The following MED13 variants were observed in gnomAD, a reference collection of about 807,000 sequenced individuals.
The protein encoded by MED13 is mediator complex subunit 13.
Under a neutral mutation model 225.2 loss-of-function variants are expected in MED13, and 23 were observed. That is an observed-to-expected ratio of 0.10 (90% CI 0.07 to 0.14). MED13 has a LOEUF of 0.14. Ranked by LOEUF, MED13 falls within the 10% of genes least tolerant of loss-of-function variation. The pLI, the probability that MED13 is intolerant of heterozygous loss-of-function variation, is 1.00. For missense variants in MED13, 2,197 were observed against 2,594.5 expected (o/e 0.85, Z 3.33); for synonymous variants, 942 against 889.2 (o/e 1.06, Z -1.06).
At chr17:62,012,752 G>A (rs1163869018) in intron 8 of MED13, among the ~76,000 whole-genome samples, 1 of 151,796 alleles carries the variant, frequency 6.6e-6, no homozygotes, top group Non-Finnish European at 1.5e-5. Flanking sequence ...AAAAAGCAGT[G>A]ACAGGCACTT....
intron 9 of MED13, among the ~76,000 whole-genome samples, chr17:61,997,215 T>C (rs1408095259): frequency 2.0e-5 from 3 of 152,170 alleles, no homozygotes; most frequent in Non-Finnish European, 4.4e-5. Flanking sequence ...AAGTAGGCCA[T>C]CAAAACAAAA....
intron 28 of MED13, among the ~76,000 whole-genome samples, chr17:61,947,531 A>G (rs1310561600): frequency 6.6e-6 from 1 of 152,218 alleles, no homozygotes; most frequent in Non-Finnish European, 1.5e-5. Context: ...TCCTTAAGAT[A>G]TATGACACCC....
intron 23 of MED13, among the ~76,000 whole-genome samples, chr17:61,959,567 GTTTA>G (rs2079979715): frequency 6.6e-6 from 1 of 151,868 alleles, no homozygotes; most frequent in African/African-American, 2.4e-5. Context: ...ACTTGTTAAT[GTTTA>G]TAATCAATAA....
intron 3 of MED13, among the ~76,000 whole-genome samples, chr17:62,042,579 A>G (rs1442307660): frequency 6.6e-6 from 1 of 151,092 alleles, no homozygotes; most frequent in Non-Finnish European, 1.5e-5. Flanking sequence ...AAAAAAAAAA[A>G]ACCAAAAAAA....
intron 9 of MED13, among the ~76,000 whole-genome samples, chr17:62,008,016 C>CAAAGAAAAAAA (rs2080468790): frequency 2.0e-5 from 1 of 50,510 alleles, no homozygotes; most frequent in Non-Finnish European, 3.9e-5. Flanking sequence ...GAGACTGTCT[C>CAAAGAAAAAAA]AAAAAAAAAA....
chr17:62,022,693 G>A (rs977763416), intron 8 of MED13, among the ~76,000 whole-genome samples: 1 of 152,112 alleles, frequency 6.6e-6, no homozygotes, highest in Non-Finnish European at 1.5e-5. Context: ...AAAAAAATTA[G>A]CTGTGAAAAA....
intron 8 of MED13, among the ~76,000 whole-genome samples, chr17:62,023,366 G>T (rs2080668587): frequency 1.3e-5 from 2 of 152,146 alleles, no homozygotes; most frequent in South Asian, 4.1e-4. Context: ...ATAGCAGGGA[G>T]CTTCTATGAC....
At chr17:62,052,419 T>A in intron 3 of MED13, 118 bp downstream of exon 3, 1 of 681,068 alleles carries the variant, frequency 1.5e-6, no homozygotes, top group Non-Finnish European at 2.2e-6. Flanking sequence ...TAGTACTCTG[T>A]CACTGACAAC....
intron 10 of MED13, among the ~76,000 whole-genome samples, chr17:61,994,512 G>A (rs2143515912): frequency 6.6e-6 from 1 of 152,006 alleles, no homozygotes; most frequent in South Asian, 2.1e-4. Flanking sequence ...TTGTATCTTT[G>A]AAAACTGGTA....
At chr17:61,961,303 C>T (rs925834450) in intron 22 of MED13, among the ~76,000 whole-genome samples, 16 of 151,966 alleles carry the variant, frequency 1.1e-4, no homozygotes, top group Non-Finnish European at 1.8e-4. Context: ...CACAGGTGGG[C>T]GATCACCTGA....
intron 8 of MED13, among the ~76,000 whole-genome samples, chr17:62,028,255 C>T (rs1236274157): frequency 6.6e-6 from 1 of 152,152 alleles, no homozygotes; most frequent in Non-Finnish European, 1.5e-5. Context: ...TCTGCAGGAA[C>T]ATGGATGAGC....
chr17:62,064,819 A>C (rs1197854129), intron 1 of MED13, among the ~76,000 whole-genome samples: 2 of 152,188 alleles, frequency 1.3e-5, no homozygotes, highest in Admixed American at 6.5e-5. Context: ...ATAAGGAGAA[A>C]AGCAACAGTT....
At chr17:62,027,770 T>C (rs184155418) in intron 8 of MED13, among the ~76,000 whole-genome samples, 27 of 152,210 alleles carry the variant, frequency 1.8e-4, no homozygotes, top group African/African-American at 6.0e-4. Flanking sequence ...ACATGAAAAC[T>C]TTTCAAAAGA....
At position 62,016,815 on chromosome 17, in the gene MED13, C is replaced by T. The variant is rs549824838; in HGVS notation, c.1284-5582G>A. Among the ~76,000 whole-genome samples the T allele has an allele frequency of 5.9e-5, 9 of 152,172 alleles. No individual in the cohort carries two copies. The East Asian group carries it at 1.7e-3, about 29-fold the overall frequency. ...CCTGAGGTCGGGGGTTCTAGACCAG[C>T]CTAGCCAACACAGTGAAACCCCGTC... On this transcript the variant is annotated intron_variant, in intron 8 of 29. Transcript: ENST00000397786.
chr17:61,987,120 G>C lies in MED13; in HGVS notation c.2272C>G (p.Arg758Gly). 6.3e-7 allele frequency: 1 copy of C among 1,594,710 alleles called. No homozygotes were observed. The highest frequency in any genetic ancestry group is 8.5e-7 in the Non-Finnish European group (1 of 1,172,506). Residue 758 changes from arginine to glycine, a missense_variant, in exon 12 of 30, where the codon CGC (arginine) becomes GGC (glycine). This residue lies in a region of MED13 where 884 missense variants were observed against 918.5 expected (regional missense o/e 0.96). Transcript: ENST00000397786. ...GGAGGACGGGCATGACTAGTAGGGC[G>C]TGGAGCATCTACAAAAGTCAATCAG... ...FSPSIKQDAP[R>G]PTSHARPPST...
chr17:61,964,484 G>C (rs2080036293), intron 20 of MED13, among the ~76,000 whole-genome samples: 1 of 152,084 alleles, frequency 6.6e-6, no homozygotes, highest in African/African-American at 2.4e-5. Flanking sequence ...AGGATCACCT[G>C]AGCCCAGGAG....
chr17:61,992,680 C>A (rs530135527), intron 10 of MED13, 59 bp from the exon 11 acceptor site: 3 of 1,225,462 alleles, frequency 2.4e-6, no homozygotes, highest in Non-Finnish European at 3.6e-6. Context: ...ATAAAATCTA[C>A]CAATTATTGA....
intron 17 of MED13, among the ~76,000 whole-genome samples, chr17:61,971,583 G>C (rs1186375173): frequency 2.0e-5 from 3 of 152,104 alleles, no homozygotes; most frequent in African/African-American, 7.2e-5. Context: ...TTACAGGCGT[G>C]AGCCACCACG....
At chr17:62,024,965 T>C (rs1405520588) in intron 8 of MED13, among the ~76,000 whole-genome samples, 6 of 152,220 alleles carry the variant, frequency 3.9e-5, no homozygotes, top group South Asian at 2.1e-4. Context: ...CATGTCTTTG[T>C]TATTGTGAAT....
Sources: gnomAD v4.1 joint callset for allele counts (sites outside exome capture counted in the v4.1 genomes callset) on GRCh38, gnomAD v4.1.1 for gene constraint, gnomAD v4.1.1 regional missense constraint, MANE v1.5 for transcripts, NCBI Gene and HGNC (gene_info 2026-07-23, HGNC 2026-07-21) for gene names.